The following GRK6 variants were observed in gnomAD, a reference collection of about 807,000 sequenced individuals.
GRK6 encodes the protein G protein-coupled receptor kinase 6.
In GRK6, 37 loss-of-function variants were observed where a neutral mutation model predicts 80.8. The observed-to-expected ratio is 0.46, with a 90% CI of 0.35 to 0.60. The LOEUF (loss-of-function observed/expected upper bound fraction) is 0.60. Ranked by LOEUF, GRK6 falls within the 20% of genes least tolerant of loss-of-function variation. GRK6 has a pLI of 0.00. For synonymous variants in GRK6, 295 were observed against 320.9 expected (o/e 0.92, Z 0.86); for missense variants, 560 against 784.6 (o/e 0.71, Z 3.42).
chr5:177,434,917 G>C lies in GRK6; in HGVS notation c.945G>C (p.Glu315Asp). 1.3e-6 allele frequency: 2 copies of C among 1,545,158 alleles called. No homozygotes were observed. Among genetic ancestry groups the C allele is most frequent in the East Asian group, 5.1e-5 (2 of 39,442 alleles). Residue 315 changes from glutamate to aspartate, a missense_variant, in exon 10 of 16, where the codon GAG (glutamate) becomes GAC (aspartate). Glu to Asp is a conservative substitution (Grantham distance 45). This residue lies in a region of GRK6 where 294 missense variants were observed against 397.4 expected (regional missense o/e 0.74). Transcript: ENST00000355472. ...CTCTGCACAGGGACCTGAAGCCCGA[G>C]AACATCTTGCTGGATGACCACGGTG... ...ERIVYRDLKP[E>D]NILLDDHGHI...
intron 13 of GRK6, among the ~76,000 whole-genome samples, chr5:177,439,415 C>T (rs571235781): frequency 2.4e-4 from 36 of 152,026 alleles, no homozygotes; most frequent in African/African-American, 6.3e-4. Context: ...TGGCGCATGC[C>T]GGTAATCTCA....
At chr5:177,433,748 C>A (rs1764015014) in intron 8 of GRK6, 72 bp downstream of exon 8, 1 of 1,580,542 alleles carries the variant, frequency 6.3e-7, no homozygotes, top group African/African-American at 1.3e-5. Flanking sequence ...CCCCCAGGCC[C>A]CACCCTCCCA....
At position 177,442,126 on chromosome 5, in the gene GRK6, C is replaced by T; in HGVS notation, c.*336C>T. 1 of 344,798 alleles carries T rather than the reference C, an allele frequency of 2.9e-6. No homozygotes were observed. The allele number at this position is 344,798 out of a possible 1,614,324, so 21.4% of individuals were successfully genotyped here. On this transcript the variant is annotated 3_prime_UTR_variant, in exon 16 of 16. Transcript: ENST00000355472. ...CCCCCGCCTTGGCTCCTGGGGGCAGCCAGCCCTGGCTGGGAGAGCGGGAGC... is the reference window on the plus strand; with the variant it reads ...CCCCCGCCTTGGCTCCTGGGGGCAGTCAGCCCTGGCTGGGAGAGCGGGAGC...
rs1763802817 is a variant in GRK6 at position 177,429,557 on chromosome 5, G to A, written c.53-1315G>A. ...TGACTGCAGGGCATGTTCGCAGGAG[G>A]CCTCTAGCAAGTTTCTCAATGGGCC... On this transcript the variant is annotated intron_variant, in intron 1 of 15. Transcript: ENST00000355472. The surrounding 1 kb of genome is among the most constrained non-coding windows in gnomAD (Gnocchi z 4.3). Among the ~76,000 whole-genome samples, 1 of 152,140 alleles carries A rather than the reference G, an allele frequency of 6.6e-6. No individual in the cohort carries two copies. The highest frequency in any genetic ancestry group is 6.5e-5 in the Admixed American group (1 of 15,272).
chr5:177,425,559 C>G (rs1400078485), upstream of GRK6, among the ~76,000 whole-genome samples: 1 of 152,212 alleles, frequency 6.6e-6, no homozygotes, highest in Non-Finnish European at 1.5e-5. Flanking sequence ...TTACCTTTAT[C>G]TCACCCTGCC....
At chr5:177,438,494 G>A (rs1764279846) in intron 13 of GRK6, 1 of 152,284 alleles carries the variant, frequency 6.6e-6, no homozygotes, top group South Asian at 2.1e-4. Flanking sequence ...GTGAAGCGGA[G>A]AGCCATGCCA....
rs1052025962 is a variant in GRK6, at chr5:177,442,170, C to T, written c.*380C>T. ...CGGGAGCTGGCAGAGGAGCCACTGC[C>T]AAACTCAAGGCTCCTCTGGCCCAGC... On this transcript the variant is annotated 3_prime_UTR_variant, in exon 16 of 16. Transcript: ENST00000355472. 1 of 279,872 alleles carries T rather than the reference C, an allele frequency of 3.6e-6. No individual in the cohort carries two copies. Among genetic ancestry groups the T allele is most frequent in the African/African-American group, 2.3e-5 (1 of 44,150 alleles). The allele number at this position is 279,872 out of a possible 1,614,324, so 17.3% of individuals were successfully genotyped here. A position where few individuals can be genotyped will look rare whatever the true frequency, so the allele number is the denominator to read the frequency against.
intron 1 of GRK6, among the ~76,000 whole-genome samples, chr5:177,427,157 G>C (rs536977566): frequency 2.0e-5 from 3 of 152,182 alleles, no homozygotes; most frequent in Non-Finnish European, 4.4e-5. Flanking sequence ...AAGGTGAGAC[G>C]AAGAGGGAAG....
In GRK6 at chr5:177,442,830, ACTCGTTTTGTC is replaced by A. The variant is rs1348705835; in HGVS notation, c.*1042_*1052del. 6.6e-6 allele frequency: 1 copy of A among 152,210 alleles called. No homozygotes were observed. Among genetic ancestry groups the A allele is most frequent in the Admixed American group, 6.5e-5 (1 of 15,278 alleles). 9.4% of individuals were successfully genotyped at this position (152,210 alleles called of 1,614,324 possible). ...TCCATATTTAAAGCCAATTTTTATT[ACTCGTTTTGTC>A]CAACGTAAGCTGCCACATGTCTCTG... is the stretch of plus-strand genomic sequence containing the variant. On this transcript the variant is annotated 3_prime_UTR_variant, in exon 16 of 16. Coordinates refer to ENST00000355472, the MANE Select transcript of GRK6 (RefSeq NM_001004106.3).
chr5:177,436,311 C>T, intron 12 of GRK6, 30 bp downstream of exon 12: 2 of 1,613,380 alleles, frequency 1.2e-6, no homozygotes, highest in African/African-American at 1.3e-5. Flanking sequence ...CCTGGCCAGC[C>T]AGGGCTGGGG....
rs1312458885 is a variant in GRK6 at position 177,436,273 on chromosome 5, T to G, written c.1258T>G (p.Cys420Gly). 2 of 1,613,938 alleles carry G rather than the reference T, an allele frequency of 1.2e-6. No individual in the cohort carries two copies. The highest frequency in any genetic ancestry group is 1.3e-5 in the African/African-American group (1 of 74,926). The stretch of plus-strand genomic sequence containing the variant: ...CTTTTCCCCGCAGGCCCGCTCACTT[T>G]GCTCACAGGTACGGCAGCTCACAGA... ...ERFSPQARSL[C>G]SQLLCKDPAE... Residue 420 changes from cysteine (C) to glycine (G), a missense_variant, in exon 12 of 16, where the codon TGC becomes GGC. By Grantham distance (159) the Cys-to-Gly change is radical. Transcript: ENST00000355472.
At position 177,434,007 on chromosome 5, in the gene GRK6, A is replaced by G; in HGVS notation, c.832A>G (p.Met278Val). The change falls in exon 9 of 16, where the codon ATG (methionine) becomes GTG (valine). Residue 278 changes from methionine (M) to valine (V), a missense_variant. Coordinates refer to ENST00000355472, the MANE Select transcript of GRK6 (RefSeq NM_001004106.3). ...CGACCTCAAGTTCCACATCTACCAC[A>G]TGGGCCAGGCTGGCTTCCCCGAAGC... The part of the protein sequence containing the change: ...GGDLKFHIYH[M>V]GQAGFPEARA... The G allele has an allele frequency of 6.2e-7, 1 of 1,613,066 alleles. No individual in the cohort carries two copies. Among genetic ancestry groups the G allele is most frequent in the Non-Finnish European group, 8.5e-7 (1 of 1,179,622 alleles).
chr5:177,434,338 C>G (rs73804343), intron 9 of GRK6, among the ~76,000 whole-genome samples: 1 of 152,202 alleles, frequency 6.6e-6, no homozygotes, highest in Admixed American at 6.5e-5. Context: ...CTCCACCCCC[C>G]ACCGTGTGAC....
At chr5:177,425,616 ATCT>A (rs891005027), upstream of GRK6, among the ~76,000 whole-genome samples, 1 of 152,208 alleles carries the variant, frequency 6.6e-6, no homozygotes, top group African/African-American at 2.4e-5. Context: ...GAGCCTGGCT[ATCT>A]TGCTGCCATC....
At chr5:177,433,882 C>T in intron 8 of GRK6, 32 bp from the exon 9 acceptor site, 4 of 1,534,194 alleles carry the variant, frequency 2.6e-6, no homozygotes, top group Non-Finnish European at 3.5e-6. Flanking sequence ...CCCGCAGCTC[C>T]TGCCTGAGGG....
chr5:177,426,736 G>T lies in GRK6; in HGVS notation c.-110G>T, dbSNP rs1763687908. 1 of 549,270 alleles carries T rather than the reference G, an allele frequency of 1.8e-6. No homozygotes were observed. Among genetic ancestry groups the T allele is most frequent in the African/African-American group, 2.1e-5 (1 of 48,412 alleles). 34.0% of individuals were successfully genotyped at this position (549,270 alleles called of 1,614,324 possible). On this transcript the variant is annotated 5_prime_UTR_variant, in exon 1 of 16. Transcript: ENST00000355472. Reference sequence around the variant, plus strand: ...CCGGGGAGGCCGCGGCGCGGTCACTGCGAGCCGAGCCGAGCCGCGCCGAGC... The same window carrying T: ...CCGGGGAGGCCGCGGCGCGGTCACTTCGAGCCGAGCCGAGCCGCGCCGAGC...
intron 13 of GRK6, chr5:177,436,758 C>T: frequency 3.6e-6 from 2 of 556,750 alleles, no homozygotes; most frequent in Non-Finnish European, 6.3e-6. Context: ...TAGGAACTCT[C>T]TCTCCTTCCC....
At chr5:177,441,119 G>A in intron 15 of GRK6, 66 bp downstream of exon 15, 1 of 1,586,944 alleles carries the variant, frequency 6.3e-7, no homozygotes. Flanking sequence ...GTGGGAGGCA[G>A]AGCCGGTGCC....
In GRK6 at chr5:177,426,849, G is replaced by A; in HGVS notation, c.4G>A (p.Glu2Lys). The change falls in exon 1 of 16, where the codon GAG becomes AAG. Residue 2 changes from glutamate to lysine, a missense_variant. Coordinates refer to ENST00000355472, the MANE Select transcript of GRK6 (RefSeq NM_001004106.3). Reference protein sequence around the residue: MELENIVANTVL... With the variant: MKLENIVANTVL... ...GGGCCAGGCGGCGCCACAGCCCATG[G>A]AGCTCGAGAACATCGTAGCGAACAC... is the stretch of plus-strand genomic sequence containing the variant. The A allele has an allele frequency of 1.0e-5, 14 of 1,338,166 alleles. No individual in the cohort carries two copies. Among genetic ancestry groups the A allele is most frequent in the Non-Finnish European group, 1.3e-5 (14 of 1,037,454 alleles). 82.9% of individuals were successfully genotyped at this position (1,338,166 alleles called of 1,614,324 possible).
Sources: gnomAD v4.1 joint callset for allele counts (sites outside exome capture counted in the v4.1 genomes callset) on GRCh38, gnomAD v4.1.1 for gene constraint, gnomAD v4.1.1 regional missense constraint, Gnocchi (gnomAD v3.1) non-coding constraint, MANE v1.5 for transcripts, NCBI Gene and HGNC (gene_info 2026-07-23, HGNC 2026-07-21) for gene names.